IRF2: variants seen among roughly 807,000 people sequenced by gnomAD.
The protein encoded by IRF2 is interferon regulatory factor 2.
A neutral mutation model predicts 40.6 loss-of-function variants in IRF2; 15 were observed. That is an observed-to-expected ratio of 0.37 (90% CI 0.25 to 0.57). The LOEUF (loss-of-function observed/expected upper bound fraction) is 0.57, where lower values mean the gene tolerates loss of function less well. IRF2 is among the 20% of genes least tolerant of loss of function. The pLI, the probability that IRF2 is intolerant of heterozygous loss-of-function variation, is 0.77. For missense variants in IRF2, 317 were observed against 455.7 expected (o/e 0.70, Z 2.77); for synonymous variants, 151 against 165.5 (o/e 0.91, Z 0.67).
At chr4:184,451,257 T>C (rs1310846675) in intron 1 of IRF2, among the ~76,000 whole-genome samples, 1 of 152,186 alleles carries the variant, frequency 6.6e-6, no homozygotes, top group Non-Finnish European at 1.5e-5. Flanking sequence ...AGGGCCAAGG[T>C]ACTTAAATCA....
chr4:184,466,606 G>A (rs187991036), intron 1 of IRF2, among the ~76,000 whole-genome samples: 169 of 152,278 alleles, frequency 1.1e-3, no homozygotes, highest in Non-Finnish European at 1.5e-3. Context: ...AGCTATTACC[G>A]TATTTCCGTG....
In IRF2 at chr4:184,418,707, T is replaced by C. The variant is rs1579832409; in HGVS notation, c.189A>G (p.Gly63=). ...GTTTATCTACTCCTGGTTGATGCTTTCCTAACAAAAGAGACAAAGATTAAG... is the reference window on the plus strand; with the variant it reads ...GTTTATCTACTCCTGGTTGATGCTTCCCTAACAAAAGAGACAAAGATTAAG... ...PLFRNWAIHT[G]KHQPGVDKPD... The change falls in exon 4 of 9, where the codon GGA becomes GGG. Residue 63 remains glycine, a splice_region_variant and synonymous_variant. Coordinates refer to ENST00000393593, the MANE Select transcript of IRF2 (RefSeq NM_002199.4). 3.7e-6 allele frequency: 6 copies of C among 1,612,156 alleles called. No individual in the cohort carries two copies. Among genetic ancestry groups the C allele is most frequent in the Non-Finnish European group, 5.1e-6 (6 of 1,178,772 alleles).
chr4:184,466,722 G>A (rs1451089015), intron 1 of IRF2, among the ~76,000 whole-genome samples: 2 of 152,248 alleles, frequency 1.3e-5, no homozygotes, highest in East Asian at 3.9e-4. Flanking sequence ...TATACATTCT[G>A]AGAAATGCAC....
At chr4:184,414,394 C>T (rs916246030) in intron 5 of IRF2, among the ~76,000 whole-genome samples, 2 of 152,152 alleles carry the variant, frequency 1.3e-5, no homozygotes, top group African/African-American at 4.8e-5. Context: ...CAGGCTGGAG[C>T]GCAGTGGTGC....
At chr4:184,450,226 C>A (rs1389085536) in intron 1 of IRF2, among the ~76,000 whole-genome samples, 1 of 152,218 alleles carries the variant, frequency 6.6e-6, no homozygotes, top group African/African-American at 2.4e-5. Context: ...TGAATAGCTT[C>A]ATGTCAATTC....
At chr4:184,412,149 C>T (rs1737101631) in intron 5 of IRF2, among the ~76,000 whole-genome samples, 1 of 152,112 alleles carries the variant, frequency 6.6e-6, no homozygotes, top group African/African-American at 2.4e-5. Flanking sequence ...ATGAACTCCG[C>T]CAAACATTGA....
chr4:184,445,400 T>C (rs1738468434), intron 1 of IRF2, among the ~76,000 whole-genome samples: 1 of 152,128 alleles, frequency 6.6e-6, no homozygotes, highest in South Asian at 2.1e-4. Context: ...ACACCTGTAA[T>C]CCCAGCACTT....
At chr4:184,431,056 C>T (rs793819) in intron 1 of IRF2, among the ~76,000 whole-genome samples, 8,166 of 152,270 alleles carry the variant, frequency 0.054, 732 homozygotes, top group African/African-American at 0.19. Flanking sequence ...ATAGGAAACA[C>T]TCACTGCCAG....
At chr4:184,417,060 T>A (rs902245712) in intron 5 of IRF2, among the ~76,000 whole-genome samples, 1 of 152,046 alleles carries the variant, frequency 6.6e-6, no homozygotes, top group African/African-American at 2.4e-5. Context: ...TTAAAAAAAA[T>A]TAAATAAATA....
chr4:184,426,421 G>A (rs1401006746), intron 2 of IRF2, among the ~76,000 whole-genome samples: 1 of 152,088 alleles, frequency 6.6e-6, no homozygotes. Context: ...GTCCTCACAT[G>A]CCCCTCTCCT....
chr4:184,438,176 CCATTCTA>C (rs1292363049), intron 1 of IRF2, among the ~76,000 whole-genome samples: 7 of 152,124 alleles, frequency 4.6e-5, no homozygotes, highest in African/African-American at 1.7e-4. Context: ...TAGCTACTCT[CCATTCTA>C]CAGATGAGGA....
chr4:184,461,689 C>T (rs1261929525), intron 1 of IRF2, among the ~76,000 whole-genome samples: 1 of 149,092 alleles, frequency 6.7e-6, no homozygotes, highest in African/African-American at 2.5e-5. Flanking sequence ...TACCCGCCCC[C>T]CCACCGCCCC....
chr4:184,407,223 C>A (rs773924929), intron 6 of IRF2: 125 of 1,289,214 alleles, frequency 9.7e-5, no homozygotes, highest in Non-Finnish European at 1.2e-4. Context: ...ATTCAGCATG[C>A]TGCTGGCTTC....
intron 1 of IRF2, among the ~76,000 whole-genome samples, chr4:184,469,831 C>T (rs1739454417): frequency 6.6e-6 from 1 of 152,146 alleles, no homozygotes; most frequent in Non-Finnish European, 1.5e-5. Context: ...TGCTCTGAAT[C>T]CAACGAGCCT....
intron 5 of IRF2, among the ~76,000 whole-genome samples, chr4:184,414,963 G>T (rs922045698): frequency 2.6e-5 from 4 of 152,198 alleles, no homozygotes; most frequent in Non-Finnish European, 5.9e-5. Context: ...TTAACTCAGT[G>T]CTTGGGTGTT....
chr4:184,452,701 G>T (rs1295509270), intron 1 of IRF2, among the ~76,000 whole-genome samples: 3 of 145,162 alleles, frequency 2.1e-5, no homozygotes, highest in African/African-American at 7.8e-5. Flanking sequence ...AGCCCAGGAG[G>T]TAGAGGCTGC....
intron 3 of IRF2, 91 bp from the exon 4 acceptor site, chr4:184,418,799 G>A: frequency 8.9e-7 from 1 of 1,123,068 alleles, no homozygotes; most frequent in Non-Finnish European, 1.3e-6. Flanking sequence ...TGGTCAGGCA[G>A]TATAAGGAAA....
At chr4:184,402,331 C>T (rs1736694728) in intron 6 of IRF2, among the ~76,000 whole-genome samples, 1 of 152,176 alleles carries the variant, frequency 6.6e-6, no homozygotes, top group Non-Finnish European at 1.5e-5. Context: ...CCCCTGACTT[C>T]TGGAGCCCCT....
rs73874632 is a variant in IRF2 at position 184,408,983 on chromosome 4, C to G, written c.412-708G>C. Among the ~76,000 whole-genome samples the G allele has an allele frequency of 6.0e-3, 912 of 152,314 alleles. 14 individuals carry two copies. Among genetic ancestry groups the G allele is most frequent in the African/African-American group, 0.021 (883 of 41,564 alleles). ...CAAATTCCTTTCCCTTATTGGAGCT[C>G]TAAATGTGTGCTTTTTTTTCAAGTG... On this transcript the variant is annotated intron_variant, in intron 5 of 8. Transcript: ENST00000393593. This position sits in a 1 kb window ranked among gnomAD's most constrained non-coding sequence, Gnocchi z 4.9.
Sources: gnomAD v4.1 joint callset for allele counts (sites outside exome capture counted in the v4.1 genomes callset) on GRCh38, gnomAD v4.1.1 for gene constraint, Gnocchi (gnomAD v3.1) non-coding constraint, MANE v1.5 for transcripts, NCBI Gene and HGNC (gene_info 2026-07-23, HGNC 2026-07-21) for gene names.